Variants in RARB observed in about 807,000 individuals in gnomAD.
The protein encoded by RARB is HBV-activated protein.
A neutral mutation model predicts 51.9 loss-of-function variants in RARB; 17 were observed. That is an observed-to-expected ratio of 0.33 (90% confidence interval 0.22 to 0.49). RARB has a LOEUF of 0.49. RARB is among the 20% of genes least tolerant of loss of function. RARB has a pLI of 0.99. For synonymous variants in RARB, 215 were observed against 195.4 expected, an observed-to-expected ratio of 1.10 and a Z score of -0.84; for missense variants, 369 against 550.8, an observed-to-expected ratio of 0.67 and a Z score of 3.30.
In RARB at chr3:25,597,571, T is replaced by A. The variant is rs1006616968; in HGVS notation, c.*955T>A. 1.3e-5 allele frequency: 2 copies of A among 152,744 alleles called. No homozygotes were observed. The highest frequency in any genetic ancestry group is 6.5e-5 in the Admixed American group (1 of 15,302). The allele number at this position is 152,744 out of a possible 1,614,324, so 9.5% of individuals were successfully genotyped here. On this transcript the variant is annotated 3_prime_UTR_variant, in exon 8 of 8. Coordinates refer to ENST00000330688, the MANE Select transcript of RARB (RefSeq NM_000965.5). Reference sequence around the variant, plus strand: ...GACCATGTAACTCTAGTGTCCTTCCTGATTCATGCCTGATATTGGGATTTT... The same window carrying A: ...GACCATGTAACTCTAGTGTCCTTCCAGATTCATGCCTGATATTGGGATTTT...
intron 5 of RARB, among the ~76,000 whole-genome samples, chr3:25,244,523 A>T (rs1444467441): frequency 6.6e-6 from 1 of 151,980 alleles, no homozygotes; most frequent in Non-Finnish European, 1.5e-5. Flanking sequence ...CTTTGTTCTC[A>T]TTGGTTTCAA....
intron 2 of RARB, among the ~76,000 whole-genome samples, chr3:24,880,725 A>G (rs554155833): frequency 1.3e-5 from 2 of 152,304 alleles, no homozygotes; most frequent in Admixed American, 6.5e-5. Flanking sequence ...AGATATGAAA[A>G]TCCAAGGGTG....
At chr3:25,452,496 C>T (rs956292979) in intron 1 of RARB, among the ~76,000 whole-genome samples, 6 of 152,146 alleles carry the variant, frequency 3.9e-5, no homozygotes, top group African/African-American at 1.4e-4. Flanking sequence ...TTAACCATAT[C>T]TTGAATGGAA....
intron 1 of RARB, among the ~76,000 whole-genome samples, chr3:24,839,169 T>C (rs191140234): frequency 5.5e-4 from 84 of 152,240 alleles, no homozygotes; most frequent in Non-Finnish European, 1.3e-4. Flanking sequence ...AGGAAGTTCG[T>C]GGCTTCAGCT....
At position 25,345,136 on chromosome 3, in the gene RARB, AG is replaced by A. The variant is rs1470112345; in HGVS notation, c.179-116054del. Among the ~76,000 whole-genome samples the A allele has an allele frequency of 4.6e-5, 7 of 152,310 alleles. No homozygotes were observed. The South Asian group carries it at 1.0e-3, about 23-fold the overall frequency. Reference sequence around the variant, plus strand: ...GATTTTCTAGGTCAAGCCCAGACTCAGGGTCCTAAAGAGAAAAAGTGTTCTC... The same window carrying A: ...GATTTTCTAGGTCAAGCCCAGACTCAGGTCCTAAAGAGAAAAAGTGTTCTC... On this transcript the variant is annotated intron_variant, in intron 5 of 11. Coordinates refer to the RARB transcript ENST00000383772.
chr3:24,887,876 A>G (rs1703293262), intron 2 of RARB, among the ~76,000 whole-genome samples: 1 of 152,164 alleles, frequency 6.6e-6, no homozygotes, highest in South Asian at 2.1e-4. Context: ...AATGGGAAGA[A>G]GCTGATGGCC....
chr3:25,060,003 C>G (rs1183350371), intron 2 of RARB: 1 of 151,648 alleles, frequency 6.6e-6, no homozygotes, highest in Non-Finnish European at 1.5e-5. Context: ...AAGCATCTTT[C>G]CCTATTAAAA....
intron 2 of RARB, among the ~76,000 whole-genome samples, chr3:24,862,993 A>G (rs1442903544): frequency 1.3e-5 from 2 of 152,182 alleles, no homozygotes; most frequent in Non-Finnish European, 2.9e-5. Flanking sequence ...TTGGATGGAA[A>G]CAATAATGCA....
intron 3 of RARB, among the ~76,000 whole-genome samples, chr3:25,081,612 TATATA>T (rs1382083191): frequency 0.012 from 168 of 14,070 alleles, 1 homozygote; most frequent in Middle Eastern, 0.028. Context: ...TATATATATA[TATATA>T]TATATTTTTT....
chr3:24,847,567 T>C (rs1702500620), intron 1 of RARB, among the ~76,000 whole-genome samples: 1 of 152,130 alleles, frequency 6.6e-6, no homozygotes, highest in Non-Finnish European at 1.5e-5. Flanking sequence ...AGTCTTCCAT[T>C]TGAGAACTTC....
chr3:24,884,987 G>A (rs1703241375), intron 2 of RARB, among the ~76,000 whole-genome samples: 1 of 152,114 alleles, frequency 6.6e-6, no homozygotes, highest in African/African-American at 2.4e-5. Flanking sequence ...AAGGCAGGAT[G>A]GTGGCAGAAC....
intron 4 of RARB, among the ~76,000 whole-genome samples, chr3:25,143,384 C>G (rs1325834803): frequency 6.6e-6 from 1 of 152,118 alleles, no homozygotes; most frequent in African/African-American, 2.4e-5. Context: ...CCAAAAAACC[C>G]CTCTAGTACA....
intron 1 of RARB, among the ~76,000 whole-genome samples, chr3:25,439,878 C>G (rs751928481): frequency 2.0e-5 from 3 of 152,014 alleles, no homozygotes; most frequent in Non-Finnish European, 4.4e-5. Context: ...GGAAGCAGAT[C>G]TAAATCTGTA....
chr3:25,054,026 T>A (rs992799304), intron 2 of RARB, among the ~76,000 whole-genome samples: 2 of 152,158 alleles, frequency 1.3e-5, no homozygotes, highest in Non-Finnish European at 2.9e-5. Context: ...CTTGAGGAGT[T>A]CTTGGTTTCA....
rs999359029 is a variant in RARB at position 25,123,609 on chromosome 3, T to C, written c.-327-8552T>C. Reference sequence around the variant, plus strand: ...CTAACACCTAATTGCTGGACTATCCTCATTCCCTTATGTTTCTCCTTGCAA... The same window carrying C: ...CTAACACCTAATTGCTGGACTATCCCCATTCCCTTATGTTTCTCCTTGCAA... On this transcript the variant is annotated intron_variant, in intron 3 of 11. Coordinates refer to the RARB transcript ENST00000383772. Among the ~76,000 whole-genome samples the C allele has an allele frequency of 3.3e-5, 5 of 152,206 alleles. No homozygotes were observed. The East Asian group carries it at 7.7e-4, about 23-fold the overall frequency.
chr3:24,836,177 C>T (rs1395062238), intron 1 of RARB, among the ~76,000 whole-genome samples: 3 of 152,118 alleles, frequency 2.0e-5, no homozygotes, highest in East Asian at 1.9e-4. Context: ...AGGAAATGAA[C>T]CTTGACCACC....
At chr3:24,958,105 A>AC (rs992443100) in intron 2 of RARB, among the ~76,000 whole-genome samples, 16 of 151,916 alleles carry the variant, frequency 1.1e-4, no homozygotes, top group Non-Finnish European at 2.4e-4. Context: ...GGTTCAACAC[A>AC]CTCCAGCAGG....
chr3:25,424,634 C>T (rs1487492037), upstream of RARB, among the ~76,000 whole-genome samples: 1 of 152,214 alleles, frequency 6.6e-6, no homozygotes, highest in Non-Finnish European at 1.5e-5. Context: ...CCTCCCCCAG[C>T]CCTGTGCCTG....
intron 2 of RARB, among the ~76,000 whole-genome samples, chr3:25,014,348 T>C (rs1697462733): frequency 6.6e-6 from 1 of 152,100 alleles, no homozygotes; most frequent in South Asian, 2.1e-4. Flanking sequence ...TGAATTCTTT[T>C]TCTACTTTGA....
Sources: allele counts gnomAD v4.1 joint callset (sites outside exome capture counted in the v4.1 genomes callset), GRCh38; gene constraint gnomAD v4.1.1; transcripts MANE v1.5; gene names NCBI Gene and HGNC (gene_info 2026-07-23, HGNC 2026-07-21).